Variants in RBPMS observed in about 807,000 individuals in gnomAD.
The protein encoded by RBPMS is RNA-binding protein with multiple splicing.
In RBPMS, 7 loss-of-function variants were observed where a neutral mutation model predicts 26.8. The ratio of observed to expected loss-of-function variants is 0.26; its 90% CI spans 0.15 to 0.49. RBPMS has a LOEUF of 0.49. Among genes scored for constraint, RBPMS ranks in the 20% least tolerant of loss-of-function variants. RBPMS has a pLI of 0.98. For missense variants in RBPMS, 186 were observed against 250.0 expected, an observed-to-expected ratio of 0.74 and a Z score of 1.73; for synonymous variants, 96 against 93.3, an observed-to-expected ratio of 1.03 and a Z score of -0.17.
At chr8:30,454,395 C>CA (rs1484973645) in intron 1 of RBPMS, among the ~76,000 whole-genome samples, 2 of 152,116 alleles carry the variant, frequency 1.3e-5, no homozygotes, top group Non-Finnish European at 1.5e-5. Flanking sequence ...GGCGAACCGT[C>CA]ATGAAGTACA....
rs998380758 is a variant in RBPMS, at chr8:30,539,339, T to A, written c.398-5155T>A. Among the ~76,000 whole-genome samples the A allele has an allele frequency of 9.9e-5, 15 of 152,206 alleles. No homozygotes were observed. In the South Asian group the frequency reaches 1.2e-3, roughly 13 times the overall value. On this transcript the variant is annotated intron_variant, in intron 5 of 8. Coordinates refer to ENST00000397323, the MANE Select transcript of RBPMS (RefSeq NM_001008710.3). ...GGGGACTTGTCATCACCAGCAGCAGTGGGGGCATCACCCACCCCAGGGAGG... is the reference window on the plus strand; with the variant it reads ...GGGGACTTGTCATCACCAGCAGCAGAGGGGGCATCACCCACCCCAGGGAGG...
chr8:30,521,784 A>G (rs1408061757), intron 5 of RBPMS, among the ~76,000 whole-genome samples: 1 of 152,012 alleles, frequency 6.6e-6, no homozygotes, highest in Non-Finnish European at 1.5e-5. Context: ...GATTGCTTCC[A>G]TGTCTTGTCT....
At chr8:30,450,942 A>G (rs888877100) in intron 1 of RBPMS, among the ~76,000 whole-genome samples, 4 of 152,162 alleles carry the variant, frequency 2.6e-5, no homozygotes, top group South Asian at 2.1e-4. Flanking sequence ...AAATCCTACA[A>G]TGTATATTAA....
chr8:30,416,544 A>G (rs1810097791), intron 1 of RBPMS, among the ~76,000 whole-genome samples: 1 of 152,048 alleles, frequency 6.6e-6, no homozygotes, highest in South Asian at 2.1e-4. Context: ...GTGCAGTGGT[A>G]CGACCTTGGC....
intron 1 of RBPMS, among the ~76,000 whole-genome samples, chr8:30,393,166 G>T (rs1807989115): frequency 6.6e-6 from 1 of 152,078 alleles, no homozygotes; most frequent in Admixed American, 6.5e-5. Flanking sequence ...TGTTTTTAAA[G>T]GGTTTGGTAT....
At chr8:30,452,693 T>C (rs1814730705) in intron 1 of RBPMS, among the ~76,000 whole-genome samples, 1 of 152,148 alleles carries the variant, frequency 6.6e-6, no homozygotes, top group African/African-American at 2.4e-5. Flanking sequence ...TTCCTGCCAA[T>C]TGCTGAGTTG....
At position 30,422,113 on chromosome 8, in the gene RBPMS, ATTTTATTTTAT is replaced by A. The variant is rs1157697285; in HGVS notation, c.66+36970_66+36980del. 2.4e-3 allele frequency among the ~76,000 whole-genome samples: 367 copies of A among 151,014 alleles called. 1 individual carries two copies. The highest frequency in any genetic ancestry group is 4.3e-3 in the Non-Finnish European group (288 of 67,762). The stretch of plus-strand genomic sequence containing the variant: ...TTTCTTTTTCTTATTTTTTTATTTT[ATTTTATTTTAT>A]TTTTATTTTATTTTATTTTGAGATG... On this transcript the variant is annotated intron_variant, in intron 1 of 8. Coordinates refer to ENST00000397323, the MANE Select transcript of RBPMS (RefSeq NM_001008710.3).
At chr8:30,550,684 G>A (rs900209142) in intron 6 of RBPMS, among the ~76,000 whole-genome samples, 64 of 152,192 alleles carry the variant, frequency 4.2e-4, no homozygotes, top group African/African-American at 1.5e-3. Context: ...CCGATTGACA[G>A]CACCTGCCCT....
At chr8:30,520,415 T>G (rs529075204) in intron 5 of RBPMS, among the ~76,000 whole-genome samples, 3 of 152,286 alleles carry the variant, frequency 2.0e-5, no homozygotes, top group Non-Finnish European at 4.4e-5. Flanking sequence ...TTTTTTAGTA[T>G]ATTTTCAGGG....
At chr8:30,481,740 A>G (rs1400876044) in intron 4 of RBPMS, among the ~76,000 whole-genome samples, 1 of 152,232 alleles carries the variant, frequency 6.6e-6, no homozygotes, top group African/African-American at 2.4e-5. Flanking sequence ...TCTGCTGCCC[A>G]AAGCTGACTT....
At chr8:30,474,699 T>C (rs1817500580) in intron 1 of RBPMS, 80 bp from the exon 2 acceptor site, 1 of 785,904 alleles carries the variant, frequency 1.3e-6, no homozygotes, top group Middle Eastern at 2.3e-4. Context: ...TTTGGAATAA[T>C]ATGTTTCTGA....
rs555134786 is a variant in RBPMS, at chr8:30,496,167, G to A, written c.247-8119G>A. Among the ~76,000 whole-genome samples the A allele has an allele frequency of 1.1e-3, 108 of 94,858 alleles. 1 individual carries two copies. The highest frequency in any genetic ancestry group is 1.7e-3 in the Non-Finnish European group (84 of 48,214). The allele number at this position is 94,858 out of a possible 152,430, so 62.2% of individuals were successfully genotyped here. The stretch of plus-strand genomic sequence containing the variant: ...TATAACAGCCTTCAGATACCCTTGC[G>A]CATTTCTTTTTTTTTTTTTGAGACG... On this transcript the variant is annotated intron_variant, in intron 4 of 8. Transcript: ENST00000397323.
At chr8:30,393,524 C>CTT (rs547914626) in intron 1 of RBPMS, among the ~76,000 whole-genome samples, 1 of 145,796 alleles carries the variant, frequency 6.9e-6, no homozygotes, top group Non-Finnish European at 1.5e-5. Context: ...TTTTCATTTT[C>CTT]TTTTTTTTTT....
At position 30,427,354 on chromosome 8, in the gene RBPMS, A is replaced by G. The variant is rs1004801093; in HGVS notation, c.66+42196A>G. Among the ~76,000 whole-genome samples, 8 of 152,270 alleles carry G rather than the reference A, an allele frequency of 5.3e-5. 1 individual carries two copies. The highest frequency in any genetic ancestry group is 6.5e-5 in the Admixed American group (1 of 15,294). On this transcript the variant is annotated intron_variant, in intron 1 of 8. Coordinates refer to ENST00000397323, the MANE Select transcript of RBPMS (RefSeq NM_001008710.3). ...AGGGGTCCAGGTAGCTAGCCTGTCA[A>G]ATCTTCACAGTGCTGTCCCCTCCCT...
At chr8:30,558,519 A>G (rs935281923) in intron 6 of RBPMS, 16 of 366,066 alleles carry the variant, frequency 4.4e-5, no homozygotes, top group African/African-American at 3.3e-4. Flanking sequence ...TCTGCTTAGA[A>G]AGCCATTAGA....
At chr8:30,562,345 G>C (rs1016103693) in intron 7 of RBPMS, among the ~76,000 whole-genome samples, 1 of 132,456 alleles carries the variant, frequency 7.5e-6, no homozygotes, top group East Asian at 2.1e-4. Flanking sequence ...AAAAAAAAAA[G>C]AGTATGTAAT....
At chr8:30,511,192 G>C (rs540945293) in intron 5 of RBPMS, among the ~76,000 whole-genome samples, 5 of 152,144 alleles carry the variant, frequency 3.3e-5, no homozygotes, top group East Asian at 1.9e-4. Flanking sequence ...GCGCTCACCT[G>C]TAATCTCAGC....
chr8:30,560,975 A>G (rs886124580), intron 7 of RBPMS, among the ~76,000 whole-genome samples: 15 of 152,160 alleles, frequency 9.9e-5, no homozygotes, highest in African/African-American at 3.6e-4. Context: ...CTTTTCTTGT[A>G]CTACTTGTTT....
Position 30,385,025 on chromosome 8 carries a change from G to C in RBPMS, c.-68G>C. The C allele has an allele frequency of 7.5e-7, 1 of 1,330,636 alleles. No homozygotes were observed. Among genetic ancestry groups the C allele is most frequent in the Non-Finnish European group, 1.0e-6 (1 of 993,380 alleles). 82.4% of individuals were successfully genotyped at this position (1,330,636 alleles called of 1,614,324 possible). On this transcript the variant is annotated 5_prime_UTR_variant, in exon 1 of 9. Coordinates refer to ENST00000397323, the MANE Select transcript of RBPMS (RefSeq NM_001008710.3). ...CCCGGCGCCCGGGGAAGGCTCCAGT[G>C]GGCTAGCGCGCCCTCGCCCAGCCCC...
Sources: gnomAD v4.1 joint callset for allele counts (sites outside exome capture counted in the v4.1 genomes callset) on GRCh38, gnomAD v4.1.1 for gene constraint, MANE v1.5 for transcripts, NCBI Gene and HGNC (gene_info 2026-07-23, HGNC 2026-07-21) for gene names.